The following CNTNAP2 variants were observed in gnomAD, a reference collection of about 807,000 sequenced individuals.
CNTNAP2 encodes the protein contactin-associated protein-like 2.
A neutral mutation model predicts 155.2 loss-of-function variants in CNTNAP2; 98 were observed. The observed-to-expected ratio is 0.63, with a 90% CI of 0.54 to 0.75. The LOEUF is 0.75. CNTNAP2 is among the 30% of genes least tolerant of loss of function. The probability of loss-of-function intolerance (pLI) is 0.00; values close to 1 mark genes in which losing one functional copy is unlikely to be tolerated. For missense variants in CNTNAP2, 1,727 were observed against 1,688.1 expected (o/e 1.02, Z -0.40); for synonymous variants, 651 against 631.2 (o/e 1.03, Z -0.47).
chr7:147,567,203 T>C (rs1008415197), intron 12 of CNTNAP2, among the ~76,000 whole-genome samples: 2 of 152,132 alleles, frequency 1.3e-5, no homozygotes, highest in African/African-American at 2.4e-5. Flanking sequence ...AAGCACTGCA[T>C]AGGACACCAG....
chr7:147,708,597 AG>A (rs1227001527), intron 13 of CNTNAP2, among the ~76,000 whole-genome samples: 3 of 151,986 alleles, frequency 2.0e-5, no homozygotes, highest in African/African-American at 7.2e-5. Context: ...GGGGCCCACT[AG>A]GTCCTAGGGA....
intron 1 of CNTNAP2, among the ~76,000 whole-genome samples, chr7:146,182,007 A>G (rs1798556143): frequency 6.6e-6 from 1 of 152,110 alleles, no homozygotes; most frequent in Non-Finnish European, 1.5e-5. Flanking sequence ...AATATATTTT[A>G]ATGTCCAGGT....
chr7:147,537,931 A>T (rs1286084658), intron 11 of CNTNAP2, among the ~76,000 whole-genome samples: 2 of 152,208 alleles, frequency 1.3e-5, no homozygotes, highest in South Asian at 2.1e-4. Context: ...TTAACTAAAG[A>T]TTCCTTGAAT....
chr7:148,360,201 C>T (rs975805430), intron 21 of CNTNAP2, among the ~76,000 whole-genome samples: 19 of 152,152 alleles, frequency 1.2e-4, no homozygotes, highest in Non-Finnish European at 2.5e-4. Flanking sequence ...CACATGGATT[C>T]CAGGCCTCAC....
At chr7:146,166,322 A>G (rs543557501) in intron 1 of CNTNAP2, among the ~76,000 whole-genome samples, 1 of 152,038 alleles carries the variant, frequency 6.6e-6, no homozygotes, top group South Asian at 2.1e-4. Context: ...CAAATTCCTG[A>G]CCTCAGGTGA....
intron 1 of CNTNAP2, among the ~76,000 whole-genome samples, chr7:146,691,644 T>C (rs1366243651): frequency 6.6e-6 from 1 of 152,134 alleles, no homozygotes; most frequent in Non-Finnish European, 1.5e-5. Flanking sequence ...GTTTCCTTTT[T>C]AACAAAATGG....
intron 10 of CNTNAP2, among the ~76,000 whole-genome samples, chr7:147,397,871 A>G (rs1365290605): frequency 1.3e-5 from 2 of 151,754 alleles, no homozygotes; most frequent in South Asian, 2.1e-4. Context: ...ATTCTTTAGG[A>G]TGACAAATGA....
At chr7:146,157,894 C>T (rs1798152753) in intron 1 of CNTNAP2, among the ~76,000 whole-genome samples, 1 of 152,192 alleles carries the variant, frequency 6.6e-6, no homozygotes, top group Non-Finnish European at 1.5e-5. Context: ...TAGTGGTTCT[C>T]CCAGCATGGA....
chr7:147,403,777 T>C (rs567905423), intron 10 of CNTNAP2, among the ~76,000 whole-genome samples: 2 of 152,290 alleles, frequency 1.3e-5, no homozygotes, highest in South Asian at 4.1e-4. Flanking sequence ...CTTTATATGA[T>C]AATTGTATAA....
intron 13 of CNTNAP2, among the ~76,000 whole-genome samples, chr7:147,722,254 T>C (rs1427258030): frequency 6.6e-6 from 1 of 152,164 alleles, no homozygotes; most frequent in Non-Finnish European, 1.5e-5. Flanking sequence ...GTTTCTGAGA[T>C]CACAATTAAT....
chr7:148,010,373 A>G (rs1802055710), intron 15 of CNTNAP2, among the ~76,000 whole-genome samples: 1 of 151,856 alleles, frequency 6.6e-6, no homozygotes, highest in African/African-American at 2.4e-5. Context: ...AATATAGTAG[A>G]ATTCATCCAT....
Position 147,971,772 on chromosome 7 carries a change from G to T in CNTNAP2, c.2256-6090G>T, listed in dbSNP as rs547587823. On this transcript the variant is annotated intron_variant, in intron 14 of 23. Transcript: ENST00000361727. ...TATAAACATCTACCTAAAAGGCTTT[G>T]TGTGAACATATGCTTTCATGTCTCT... 6.6e-5 allele frequency among the ~76,000 whole-genome samples: 10 copies of T among 152,292 alleles called. No individual in the cohort carries two copies. In the South Asian group the frequency reaches 1.5e-3, roughly 22 times the overall value.
chr7:147,198,645 TA>T (rs1401225072), intron 8 of CNTNAP2, among the ~76,000 whole-genome samples: 18 of 152,224 alleles, frequency 1.2e-4, no homozygotes, highest in Admixed American at 3.9e-4. Flanking sequence ...AAACGAACTT[TA>T]AATTTACTTT....
intron 13 of CNTNAP2, among the ~76,000 whole-genome samples, chr7:147,792,527 T>A (rs1797836554): frequency 1.3e-5 from 2 of 152,138 alleles, no homozygotes; most frequent in Non-Finnish European, 2.9e-5. Context: ...TATATATATA[T>A]CTTAGTACTT....
intron 1 of CNTNAP2, among the ~76,000 whole-genome samples, chr7:146,740,724 G>T (rs1801697664): frequency 6.6e-6 from 1 of 152,198 alleles, no homozygotes; most frequent in Non-Finnish European, 1.5e-5. Context: ...TCCCTGGACA[G>T]CTGTGACTGG....
At chr7:147,139,048 C>T (rs1801546790) in intron 8 of CNTNAP2, among the ~76,000 whole-genome samples, 1 of 151,864 alleles carries the variant, frequency 6.6e-6, no homozygotes, top group African/African-American at 2.4e-5. Flanking sequence ...AAGAACATAG[C>T]CCAGGAACTC....
At chr7:146,725,875 T>A (rs1399954936) in intron 1 of CNTNAP2, among the ~76,000 whole-genome samples, 1 of 152,166 alleles carries the variant, frequency 6.6e-6, no homozygotes, top group East Asian at 1.9e-4. Flanking sequence ...CCCTAGCCTC[T>A]GAATCTGGGG....
intron 1 of CNTNAP2, among the ~76,000 whole-genome samples, chr7:146,748,989 A>C (rs6972155): frequency 0.075 from 11,448 of 152,224 alleles, 589 homozygotes; most frequent in East Asian, 0.14. Context: ...AATTTTTACA[A>C]AACTCTCTTG....
chr7:146,416,002 T>A (rs995989463), intron 1 of CNTNAP2, among the ~76,000 whole-genome samples: 2 of 152,154 alleles, frequency 1.3e-5, no homozygotes, highest in Non-Finnish European at 2.9e-5. Flanking sequence ...AATTAAAGGA[T>A]ATATATTCAA....
Sources: gnomAD v4.1 joint callset for allele counts (sites outside exome capture counted in the v4.1 genomes callset) on GRCh38, gnomAD v4.1.1 for gene constraint, MANE v1.5 for transcripts, NCBI Gene and HGNC (gene_info 2026-07-23, HGNC 2026-07-21) for gene names.